The following ENPEP variants were observed in gnomAD, a reference collection of about 807,000 sequenced individuals.
ENPEP encodes glutamyl aminopeptidase, also known as AP-A.
ENPEP carries 103 observed loss-of-function variants against 114.5 expected under a neutral mutation model. The observed-to-expected ratio is 0.90, with a 90% CI of 0.77 to 1.06. ENPEP has a LOEUF of 1.06. Among genes scored for constraint, ENPEP ranks in the 50% least tolerant of loss-of-function variants. ENPEP has a pLI of 0.00. For synonymous variants in ENPEP, 420 were observed against 422.0 expected (o/e 1.00, Z 0.06); for missense variants, 1,196 against 1,161.3 (o/e 1.03, Z -0.43).
chr4:110,515,930 T>C (rs1010213800), intron 8 of ENPEP: 1 of 393,362 alleles, frequency 2.5e-6, no homozygotes, highest in African/African-American at 2.1e-5. Flanking sequence ...GTGTCTCTTA[T>C]AAGGATACTG....
Position 110,548,275 on chromosome 4 carries a change from C to A in ENPEP, c.2100C>A (p.Thr700=), listed in dbSNP as rs1291154914. ...LPWQRVISAV[T]YIISMFEDDK... ...GGCAGAGAGTAATTTCAGCTGTAAC[C>A]TACATCATTAGCATGTTTGAAGATG... Residue 700 remains threonine (T), a synonymous_variant, in exon 14 of 20, where the codon ACC becomes ACA. Coordinates refer to ENST00000265162, the MANE Select transcript of ENPEP (RefSeq NM_001977.4). 6.2e-7 allele frequency: 1 copy of A among 1,602,664 alleles called. No individual in the cohort carries two copies. The highest frequency in any genetic ancestry group is 1.7e-5 in the Admixed American group (1 of 58,366).
Position 110,532,034 on chromosome 4 carries a change from A to C in ENPEP, c.1807+757A>C, listed in dbSNP as rs555941402. ...TTTATTTACATATGCCTAGTTGCTC[A>C]TGTAAAATATTTTAAAATATTAATG... On this transcript the variant is annotated intron_variant, in intron 11 of 19. Transcript: ENST00000265162. Among the ~76,000 whole-genome samples the C allele has an allele frequency of 9.2e-5, 14 of 152,300 alleles. No homozygotes were observed. In the South Asian group the frequency reaches 2.7e-3, roughly 29 times the overall value.
intron 3 of ENPEP, among the ~76,000 whole-genome samples, chr4:110,499,062 T>C (rs944704997): frequency 1.3e-5 from 2 of 152,214 alleles, no homozygotes; most frequent in Non-Finnish European, 2.9e-5. Flanking sequence ...AGAGCCTATT[T>C]TGAAAGTCAA....
chr4:110,520,124 GCTTA>G, intron 9 of ENPEP, 51 bp downstream of exon 9: 1 of 1,595,848 alleles, frequency 6.3e-7, no homozygotes, highest in Non-Finnish European at 8.6e-7. Context: ...TTTACAAATG[GCTTA>G]CCAATCATTT....
At chr4:110,508,092 C>T (rs1282746035) in intron 4 of ENPEP, among the ~76,000 whole-genome samples, 1 of 152,134 alleles carries the variant, frequency 6.6e-6, no homozygotes, top group Non-Finnish European at 1.5e-5. Flanking sequence ...AAATTTATTA[C>T]TCTCTTCTCC....
intron 2 of ENPEP, 63 bp downstream of exon 2, chr4:110,488,745 C>T: frequency 1.3e-6 from 2 of 1,530,642 alleles, no homozygotes; most frequent in Non-Finnish European, 1.8e-6. Context: ...GGCCAGTTAC[C>T]TGATTTTCTG....
intron 10 of ENPEP, among the ~76,000 whole-genome samples, chr4:110,520,846 C>T (rs1448929777): frequency 6.6e-6 from 1 of 152,158 alleles, no homozygotes; most frequent in Non-Finnish European, 1.5e-5. Context: ...AGTCTCAGGA[C>T]AATTTGTGCC....
intron 4 of ENPEP, among the ~76,000 whole-genome samples, chr4:110,509,277 T>C (rs983153145): frequency 1.7e-4 from 26 of 152,250 alleles, no homozygotes; most frequent in African/African-American, 6.3e-4. Flanking sequence ...ATCTATACAC[T>C]TGGAAGCTCA....
At chr4:110,546,641 A>G (rs377608382) in intron 13 of ENPEP, among the ~76,000 whole-genome samples, 4 of 152,054 alleles carry the variant, frequency 2.6e-5, no homozygotes, top group South Asian at 2.1e-4. Context: ...GGTGAACATC[A>G]GTCAAGCCAA....
intron 18 of ENPEP, 53 bp from the exon 19 acceptor site, chr4:110,559,594 A>G: frequency 8.0e-7 from 1 of 1,250,788 alleles, no homozygotes; most frequent in Non-Finnish European, 1.2e-6. Context: ...TTTAGAGAAA[A>G]TATGTAACAT....
At chr4:110,524,370 C>G (rs1270708623) in intron 10 of ENPEP, among the ~76,000 whole-genome samples, 1 of 152,106 alleles carries the variant, frequency 6.6e-6, no homozygotes, top group East Asian at 1.9e-4. Flanking sequence ...ATTAAATTCT[C>G]CTGAGCATTT....
At chr4:110,550,112 A>G (rs1727231490) in intron 17 of ENPEP, among the ~76,000 whole-genome samples, 1 of 152,084 alleles carries the variant, frequency 6.6e-6, no homozygotes. Flanking sequence ...AGTTGTGTGC[A>G]GCGGCTCAAC....
At chr4:110,557,338 C>T (rs1002980145) in intron 18 of ENPEP, among the ~76,000 whole-genome samples, 1 of 152,118 alleles carries the variant, frequency 6.6e-6, no homozygotes, top group East Asian at 1.9e-4. Context: ...GGTTAAGGAA[C>T]TAAGAGAAGA....
intron 3 of ENPEP, chr4:110,506,367 C>T (rs1164345991): frequency 6.2e-6 from 2 of 323,460 alleles, no homozygotes; most frequent in Non-Finnish European, 5.6e-6. Context: ...GACATCATGC[C>T]AACCATTGTG....
rs190212896 is a variant in ENPEP, at chr4:110,560,192, T to C, written c.2721+467T>C. Among the ~76,000 whole-genome samples the C allele has an allele frequency of 1.6e-3, 247 of 152,316 alleles. 3 individuals carry two copies. Among genetic ancestry groups the C allele is most frequent in the South Asian group, 8.3e-3 (40 of 4,826 alleles). On this transcript the variant is annotated intron_variant, in intron 19 of 19. Coordinates refer to ENST00000265162, the MANE Select transcript of ENPEP (RefSeq NM_001977.4). ...CACATTTTCTTTATCCAGTCCATCA[T>C]TGATGGGCATTTAGGTTGGTTCCAA...
At position 110,476,234 on chromosome 4, in the gene ENPEP, G is replaced by A; in HGVS notation, c.-181G>A. On this transcript the variant is annotated 5_prime_UTR_variant, in exon 1 of 20. Coordinates refer to ENST00000265162, the MANE Select transcript of ENPEP (RefSeq NM_001977.4). ...CTTGTTTCCGCATTCATCCTGAGTG[G>A]CTGGTGGGAACGTGAAAAGGGAGAG... 1 of 673,536 alleles carries A rather than the reference G, an allele frequency of 1.5e-6. No individual in the cohort carries two copies. Among genetic ancestry groups the A allele is most frequent in the Non-Finnish European group, 2.3e-6 (1 of 425,654 alleles). 41.7% of individuals were successfully genotyped at this position (673,536 alleles called of 1,614,324 possible). A position where few individuals can be genotyped will look rare whatever the true frequency, so the allele number is the denominator to read the frequency against.
Position 110,549,628 on chromosome 4 carries a change from G to A in ENPEP, c.2326G>A (p.Val776Ile), listed in dbSNP as rs140475203. 2.5e-6 allele frequency: 4 copies of A among 1,613,330 alleles called. No individual in the cohort carries two copies. The South Asian group carries it at 4.4e-5, about 18-fold the overall frequency. ...SLFEQWLNGT[V>I]SLPVNLRLLV... ...ATTTGAGCAGTGGCTAAATGGGACT[G>A]TAAGGTGATTACTCACATTGTTATG... Residue 776 changes from valine to isoleucine, a missense_variant, in exon 16 of 20, where the codon GTA becomes ATA. By Grantham distance (29) the Val-to-Ile change is conservative. Coordinates refer to ENST00000265162, the MANE Select transcript of ENPEP (RefSeq NM_001977.4).
At chr4:110,486,321 C>T (rs1197639868) in intron 1 of ENPEP, among the ~76,000 whole-genome samples, 1 of 152,166 alleles carries the variant, frequency 6.6e-6, no homozygotes, top group African/African-American at 2.4e-5. Context: ...AAATAAAATG[C>T]ACGCTCTTCT....
At chr4:110,510,148 C>A in intron 5 of ENPEP, 97 bp from the exon 6 acceptor site, 1 of 989,132 alleles carries the variant, frequency 1.0e-6, no homozygotes, top group Non-Finnish European at 1.6e-6. Flanking sequence ...GTCACAGTGA[C>A]AACATTGGCA....
Sources: gnomAD v4.1 joint callset for allele counts (sites outside exome capture counted in the v4.1 genomes callset) on GRCh38, gnomAD v4.1.1 for gene constraint, MANE v1.5 for transcripts, NCBI Gene and HGNC (gene_info 2026-07-23, HGNC 2026-07-21) for gene names.